SV2B: variants seen among roughly 807,000 people sequenced by gnomAD.
SV2B encodes synaptic vesicle glycoprotein 2B.
SV2B carries 41 observed loss-of-function variants against 73.9 expected under a neutral mutation model. The ratio of observed to expected loss-of-function variants is 0.56; its 90% CI spans 0.43 to 0.72. The LOEUF is 0.72. SV2B is among the 30% of genes least tolerant of loss of function. The probability of loss-of-function intolerance (pLI) is 0.00; values close to 1 mark genes in which losing one functional copy is unlikely to be tolerated. For synonymous variants in SV2B, 314 were observed against 314.2 expected (o/e 1.00, Z 0.01); for missense variants, 764 against 857.8 (o/e 0.89, Z 1.37).
intron 2 of SV2B, among the ~76,000 whole-genome samples, chr15:91,233,425 A>G (rs930961957): frequency 1.3e-5 from 2 of 152,226 alleles, no homozygotes; most frequent in Non-Finnish European, 2.9e-5. Context: ...AGGATTTGAA[A>G]GCTTCTGTGT....
At chr15:91,187,278 T>C (rs903252346) in intron 1 of SV2B, among the ~76,000 whole-genome samples, 3 of 152,250 alleles carry the variant, frequency 2.0e-5, no homozygotes, top group African/African-American at 7.2e-5. Flanking sequence ...CATTACTAAG[T>C]AGATTTATTG....
At chr15:91,155,454 A>G (rs1226370438) in intron 1 of SV2B, among the ~76,000 whole-genome samples, 2 of 152,170 alleles carry the variant, frequency 1.3e-5, no homozygotes, top group Non-Finnish European at 2.9e-5. Context: ...ATTTTATTCA[A>G]TGTTTACCTA....
chr15:91,222,438 G>A (rs2046249955), intron 1 of SV2B, among the ~76,000 whole-genome samples: 1 of 152,166 alleles, frequency 6.6e-6, no homozygotes, highest in Non-Finnish European at 1.5e-5. Context: ...GCTTTGTGTT[G>A]TTTTAATCTA....
chr15:91,191,932 A>G (rs375155031), intron 1 of SV2B, among the ~76,000 whole-genome samples: 277 of 152,246 alleles, frequency 1.8e-3, no homozygotes, highest in African/African-American at 6.2e-3. Flanking sequence ...TTTCCACTGG[A>G]TACGTTAAAT....
intron 1 of SV2B, among the ~76,000 whole-genome samples, chr15:91,219,967 A>G (rs1030887294): frequency 1.3e-5 from 2 of 151,998 alleles, no homozygotes; most frequent in Non-Finnish European, 2.9e-5. Context: ...TTTCTTTTTT[A>G]TTGCTAATCA....
At chr15:91,228,909 T>C (rs1414217904) in intron 2 of SV2B, among the ~76,000 whole-genome samples, 1 of 152,166 alleles carries the variant, frequency 6.6e-6, no homozygotes, top group African/African-American at 2.4e-5. Context: ...ATCTTCAGAG[T>C]CACCATGTCG....
chr15:91,118,451 G>C lies in SV2B; in HGVS notation c.-392+18088G>C, dbSNP rs2042237549. Among the ~76,000 whole-genome samples, 1 of 152,168 alleles carries C rather than the reference G, an allele frequency of 6.6e-6. No homozygotes were observed. The highest frequency in any genetic ancestry group is 6.5e-5 in the Admixed American group (1 of 15,288). ...GGAAGAAAAGAACATTTTTTCCTTT[G>C]CATTCATTGAGGGCTTGGGAAGGTA... On this transcript the variant is annotated intron_variant, in intron 1 of 12. Coordinates refer to ENST00000394232, the MANE Select transcript of SV2B (RefSeq NM_001323032.3). This position sits in a 1 kb window ranked among gnomAD's most constrained non-coding sequence, Gnocchi z 4.7.
intron 1 of SV2B, among the ~76,000 whole-genome samples, chr15:91,188,649 T>A (rs529625664): frequency 1.7e-4 from 26 of 152,092 alleles, no homozygotes; most frequent in South Asian, 2.1e-4. Flanking sequence ...AATATGTCAT[T>A]TGAATAGTGT....
intron 1 of SV2B, among the ~76,000 whole-genome samples, chr15:91,176,743 T>G (rs1157531908): frequency 6.6e-6 from 1 of 151,608 alleles, no homozygotes; most frequent in Non-Finnish European, 1.5e-5. Context: ...GGGTTGTTTG[T>G]TTTTTTCTTG....
chr15:91,144,582 C>T (rs940385554), intron 1 of SV2B, among the ~76,000 whole-genome samples: 5 of 152,172 alleles, frequency 3.3e-5, no homozygotes, highest in African/African-American at 1.2e-4. Context: ...TGGTGAAAGA[C>T]CTTTACTTAA....
Position 91,141,049 on chromosome 15 carries a change from TTATAGC to T in SV2B, c.-392+40689_-392+40694del, listed in dbSNP as rs2042982847. On this transcript the variant is annotated intron_variant, in intron 1 of 12. Transcript: ENST00000394232. The surrounding 1 kb of genome is among the most constrained non-coding windows in gnomAD (Gnocchi z 4.6). ...GCTACAAGCACTCAGGTGGCAGGAC[TTATAGC>T]TAAGAGTGGCATAGGATCACACTGT... 6.6e-6 allele frequency among the ~76,000 whole-genome samples: 1 copy of T among 152,222 alleles called. No individual in the cohort carries two copies. Among genetic ancestry groups the T allele is most frequent in the South Asian group, 2.1e-4 (1 of 4,830 alleles).
At chr15:91,152,014 C>G (rs1279588599) in intron 1 of SV2B, among the ~76,000 whole-genome samples, 1 of 151,626 alleles carries the variant, frequency 6.6e-6, no homozygotes, top group Non-Finnish European at 1.5e-5. Context: ...TCTGTTATCC[C>G]AGCCTGATGA....
At chr15:91,187,664 T>G (rs914705751) in intron 1 of SV2B, among the ~76,000 whole-genome samples, 17 of 151,190 alleles carry the variant, frequency 1.1e-4, no homozygotes, top group Admixed American at 2.0e-4. Context: ...TGTTTTGTTT[T>G]TTTTTTTTAA....
chr15:91,210,234 C>T (rs886805550), intron 1 of SV2B, among the ~76,000 whole-genome samples: 1 of 151,892 alleles, frequency 6.6e-6, no homozygotes, highest in African/African-American at 2.4e-5. Context: ...GATAATTTCC[C>T]CAGTGAGAAA....
rs1451842893 is a variant in SV2B, at chr15:91,293,351, C to T, written c.*799C>T. 1 of 152,138 alleles carries T rather than the reference C, an allele frequency of 6.6e-6. No homozygotes were observed. Among genetic ancestry groups the T allele is most frequent in the Non-Finnish European group, 1.5e-5 (1 of 68,026 alleles). 9.4% of individuals were successfully genotyped at this position (152,138 alleles called of 1,614,324 possible). ...TTTGGGAGAACTTGGTGTTTGAGGT[C>T]CCAGGAAATGAGGTCTGATCAAATG... On this transcript the variant is annotated 3_prime_UTR_variant, in exon 13 of 13. Coordinates refer to ENST00000394232, the MANE Select transcript of SV2B (RefSeq NM_001323032.3).
intron 1 of SV2B, among the ~76,000 whole-genome samples, chr15:91,166,394 A>G (rs976580378): frequency 1.3e-5 from 2 of 151,990 alleles, no homozygotes; most frequent in Non-Finnish European, 2.9e-5. Context: ...TAGTTTTTCC[A>G]CAGTTTGATT....
chr15:91,106,140 GA>G lies in SV2B; in HGVS notation c.-392+5782del, dbSNP rs1316149284. 6.6e-6 allele frequency among the ~76,000 whole-genome samples: 1 copy of G among 152,218 alleles called. No individual in the cohort carries two copies. ...GATGAGTTAGATACTTAGAGTATGAGAAAAAGATGACATAATGAATTTTGAC... is the reference window on the plus strand; with the variant it reads ...GATGAGTTAGATACTTAGAGTATGAGAAAAGATGACATAATGAATTTTGAC... On this transcript the variant is annotated intron_variant, in intron 1 of 12. Transcript: ENST00000394232. This position sits in a 1 kb window ranked among gnomAD's most constrained non-coding sequence, Gnocchi z 4.4.
At chr15:91,221,066 A>G (rs2046195459) in intron 1 of SV2B, among the ~76,000 whole-genome samples, 1 of 151,946 alleles carries the variant, frequency 6.6e-6, no homozygotes, top group Non-Finnish European at 1.5e-5. Flanking sequence ...GGATTTCACC[A>G]TGTTGCTCAG....
chr15:91,102,797 T>A (rs1567252440), intron 1 of SV2B, among the ~76,000 whole-genome samples: 1 of 152,252 alleles, frequency 6.6e-6, no homozygotes, highest in Non-Finnish European at 1.5e-5. Flanking sequence ...TTTTGGTAAA[T>A]GACATTTGAC....
Sources: allele counts gnomAD v4.1 joint callset (sites outside exome capture counted in the v4.1 genomes callset), GRCh38; gene constraint gnomAD v4.1.1; non-coding constraint Gnocchi (gnomAD v3.1); transcripts MANE v1.5; gene names NCBI Gene and HGNC (gene_info 2026-07-23, HGNC 2026-07-21).